Variants in IGDCC4 observed in about 807,000 individuals in gnomAD.
IGDCC4 encodes immunoglobulin superfamily DCC subclass member 4.
A neutral mutation model predicts 116.6 loss-of-function variants in IGDCC4; 72 were observed. The observed-to-expected ratio is 0.62, with a 90% confidence interval of 0.51 to 0.75. IGDCC4 has a LOEUF of 0.75. Ranked by LOEUF, IGDCC4 falls within the 30% of genes least tolerant of loss-of-function variation. The pLI is 0.00. For missense variants in IGDCC4, 1,501 were observed against 1,662.4 expected (o/e 0.90, Z 1.69); for synonymous variants, 709 against 719.9 (o/e 0.98, Z 0.24).
intron 1 of IGDCC4, among the ~76,000 whole-genome samples, chr15:65,420,498 T>C (rs190536708): frequency 6.6e-6 from 1 of 152,254 alleles, no homozygotes; most frequent in Non-Finnish European, 1.5e-5. Context: ...TGATTTTAAA[T>C]CCTGTCAAGG....
Position 65,393,661 on chromosome 15 carries a change from C to G in IGDCC4, c.1715-130G>C. ...GTGGGAGCCTGAGGCGTTCTCAGCA[C>G]TGACCCCTCAGTGCCTGGGCAGATT... On this transcript the variant is annotated intron_variant, in intron 9 of 19. Transcript: ENST00000352385. This position sits in a 1 kb window ranked among gnomAD's most constrained non-coding sequence, Gnocchi z 4.6. 1.1e-6 allele frequency: 1 copy of G among 905,922 alleles called. No individual in the cohort carries two copies. Among genetic ancestry groups the G allele is most frequent in the Non-Finnish European group, 1.6e-6 (1 of 614,706 alleles). 56.1% of individuals were successfully genotyped at this position (905,922 alleles called of 1,614,324 possible).
chr15:65,392,110 C>T (rs1354067089), intron 11 of IGDCC4, 24 bp downstream of exon 11: 5 of 1,455,036 alleles, frequency 3.4e-6, no homozygotes, highest in Non-Finnish European at 3.8e-6. Flanking sequence ...ATCCCTCCCT[C>T]CCCCTCCCCC....
At chr15:65,389,093 T>C in intron 14 of IGDCC4, 115 bp from the exon 15 acceptor site, 2 of 1,080,608 alleles carry the variant, frequency 1.9e-6, no homozygotes, top group Non-Finnish European at 2.6e-6. Flanking sequence ...AGATGAGGTC[T>C]GGTTTCTAGT....
chr15:65,399,324 A>G (rs138004616), intron 5 of IGDCC4, among the ~76,000 whole-genome samples: 1 of 151,810 alleles, frequency 6.6e-6, no homozygotes, highest in Non-Finnish European at 1.5e-5. Context: ...ATACAGGCAT[A>G]GCGGCACATG....
intron 15 of IGDCC4, 41 bp from the exon 16 acceptor site, chr15:65,388,627 G>A (rs1158271375): frequency 3.1e-6 from 5 of 1,612,700 alleles, no homozygotes; most frequent in East Asian, 2.2e-5. Context: ...ATGGTGGATG[G>A]GGTGGGTGGA....
rs1030849234 is a variant in IGDCC4, at chr15:65,393,396, T to C, written c.1850A>G (p.His617Arg). ...AGFGAPSQWM[H>R]HRTPSMHNQS... ...GTTGTGCATACTGGGCGTCCTGTGA[T>C]GCATCCACTGGGAGGGGGCCCCGAA... The change falls in exon 10 of 20, where the codon CAT (histidine) becomes CGT (arginine). Residue 617 changes from histidine (H) to arginine (R), a missense_variant. This residue lies in a region of IGDCC4 where 898 missense variants were observed against 978.9 expected (regional missense o/e 0.92). Transcript: ENST00000352385. This position sits in a 1 kb window ranked among gnomAD's most constrained non-coding sequence, Gnocchi z 4.6. 5.0e-6 allele frequency: 8 copies of C among 1,613,464 alleles called. No homozygotes were observed. The highest frequency in any genetic ancestry group is 6.8e-6 in the Non-Finnish European group (8 of 1,179,682).
Position 65,402,473 on chromosome 15 carries a change from G to A in IGDCC4, c.578C>T (p.Pro193Leu). 1 of 1,567,372 alleles carries A rather than the reference G, an allele frequency of 6.4e-7. No homozygotes were observed. The highest frequency in any genetic ancestry group is 8.7e-7 in the Non-Finnish European group (1 of 1,155,348). The change falls in exon 4 of 20, where the codon CCC becomes CTC. Residue 193 changes from proline (P) to leucine (L), a missense_variant. Coordinates refer to ENST00000352385, the MANE Select transcript of IGDCC4 (RefSeq NM_020962.3). ...LPEEPRLIVL[P>L]NGVLQILDVQ... ...ATCCAGGATCTGAAGGACGCCGTTG[G>A]GAAGCACGATGAGCCTTGGGAAGAG...
chr15:65,419,891 G>A (rs2063174827), intron 1 of IGDCC4, among the ~76,000 whole-genome samples: 1 of 152,194 alleles, frequency 6.6e-6, no homozygotes, highest in African/African-American at 2.4e-5. Context: ...GGCAGGCACA[G>A]GCATTATCCT....
rs371761810 is a variant in IGDCC4, at chr15:65,417,253, T to TC, written c.70+5539dup. Among the ~76,000 whole-genome samples, 105 of 151,694 alleles carry TC rather than the reference T, an allele frequency of 6.9e-4. 2 individuals carry two copies. The highest frequency in any genetic ancestry group is 2.4e-3 in the African/African-American group (100 of 41,326). Reference sequence around the variant, plus strand: ...CCTCCCTTACCACATGCTGAGCCCCTCCCCCCAACAGCTGGAAGGAGAGTT... The same window carrying TC: ...CCTCCCTTACCACATGCTGAGCCCCTCCCCCCCAACAGCTGGAAGGAGAGTT... On this transcript the variant is annotated intron_variant, in intron 1 of 19. Coordinates refer to ENST00000352385, the MANE Select transcript of IGDCC4 (RefSeq NM_020962.3).
intron 4 of IGDCC4, among the ~76,000 whole-genome samples, chr15:65,402,007 G>C (rs1426082980): frequency 6.6e-6 from 1 of 152,124 alleles, no homozygotes; most frequent in East Asian, 1.9e-4. Flanking sequence ...GAGAGAAAGG[G>C]GCAGGGAGCA....
chr15:65,422,673 G>T (rs769540709), intron 1 of IGDCC4, 120 bp downstream of exon 1: 2 of 778,804 alleles, frequency 2.6e-6, no homozygotes, highest in South Asian at 3.1e-5. Context: ...ACCTGGACGC[G>T]CAGCCCCCGC....
In IGDCC4 at chr15:65,383,261, A is replaced by C. The variant is rs1162364904; in HGVS notation, c.*748T>G. On this transcript the variant is annotated 3_prime_UTR_variant, in exon 20 of 20. Coordinates refer to ENST00000352385, the MANE Select transcript of IGDCC4 (RefSeq NM_020962.3). ...TGTGAGAGATAGCAGAGGAAGGAAA[A>C]CAGGAGAGAGGAAAGGAAAGAGTAT... is the stretch of plus-strand genomic sequence containing the variant. 1 of 153,336 alleles carries C rather than the reference A, an allele frequency of 6.5e-6. No individual in the cohort carries two copies. Among genetic ancestry groups the C allele is most frequent in the Non-Finnish European group, 1.5e-5 (1 of 68,492 alleles). 9.5% of individuals were successfully genotyped at this position (153,336 alleles called of 1,614,324 possible).
intron 5 of IGDCC4, among the ~76,000 whole-genome samples, chr15:65,399,804 A>G (rs2062967460): frequency 6.6e-6 from 1 of 152,268 alleles, no homozygotes; most frequent in Admixed American, 6.5e-5. Context: ...AGTATGAGAT[A>G]TAAACTTATA....
chr15:65,394,288 C>A (rs1490783822), intron 9 of IGDCC4, 123 bp downstream of exon 9: 4 of 1,483,570 alleles, frequency 2.7e-6, no homozygotes, highest in African/African-American at 2.8e-5. Context: ...TTCACCCTTC[C>A]CCAACCCCTA....
Position 65,383,495 on chromosome 15 carries a change from G to A in IGDCC4, c.*514C>T, listed in dbSNP as rs891641740. 6.5e-6 allele frequency: 1 copy of A among 152,732 alleles called. No homozygotes were observed. The highest frequency in any genetic ancestry group is 1.5e-5 in the Non-Finnish European group (1 of 68,430). 9.5% of individuals were successfully genotyped at this position (152,732 alleles called of 1,614,324 possible). ...TATTTGGGCAATAAGGAGCTGGGAG[G>A]TGATGCAGCTGAAATGCCAGGCATT... is the stretch of plus-strand genomic sequence containing the variant. On this transcript the variant is annotated 3_prime_UTR_variant, in exon 20 of 20. Transcript: ENST00000352385.
chr15:65,393,630 G>A lies in IGDCC4; in HGVS notation c.1715-99C>T, dbSNP rs11638647. ...TTCCGCCTCACATCCCGGTTCCTCC[G>A]TGCCCGTGGGAGCCTGAGGCGTTCT... is the stretch of plus-strand genomic sequence containing the variant. On this transcript the variant is annotated intron_variant, in intron 9 of 19. Transcript: ENST00000352385. This position sits in a 1 kb window ranked among gnomAD's most constrained non-coding sequence, Gnocchi z 4.6. 249,400 of 1,284,672 alleles carry A rather than the reference G, an allele frequency of 0.19. 26,562 individuals carry two copies. The highest frequency in any genetic ancestry group is 0.43 in the East Asian group (17,588 of 41,332). The allele number at this position is 1,284,672 out of a possible 1,614,324, so 79.6% of individuals were successfully genotyped here. A position where few individuals can be genotyped will look rare whatever the true frequency, so the allele number is the denominator to read the frequency against.
Position 65,392,196 on chromosome 15 carries a change from G to C in IGDCC4, c.2060C>G (p.Ala687Gly), listed in dbSNP as rs1279166421. 1.1e-5 allele frequency: 17 copies of C among 1,613,678 alleles called. No homozygotes were observed. The highest frequency in any genetic ancestry group is 1.4e-5 in the Non-Finnish European group (16 of 1,179,898). The change falls in exon 11 of 20, where the codon GCT (alanine) becomes GGT (glycine). Residue 687 changes from alanine to glycine, a missense_variant. Ala to Gly is a moderately conservative substitution (Grantham distance 60, BLOSUM62 0). Around this residue, in one of 3 missense-constraint regions of IGDCC4, gnomAD observed 898 missense variants for 978.9 expected, o/e 0.92. Transcript: ENST00000352385. ...GAGCCGGACAGGCCCCACATCCCAA[G>C]CCTGGTCTCCACGGCCCCCTGGCAG... ...DRLPGGRGDQ[A>G]WDVGPVRLKK...
intron 3 of IGDCC4, among the ~76,000 whole-genome samples, chr15:65,403,443 A>T (rs543927479): frequency 2.0e-5 from 3 of 151,984 alleles, no homozygotes; most frequent in Non-Finnish European, 4.4e-5. Context: ...TACAGTTGGA[A>T]TTTTATTTAC....
intron 18 of IGDCC4, 79 bp from the exon 19 acceptor site, chr15:65,385,194 G>T: frequency 7.0e-7 from 1 of 1,432,848 alleles, no homozygotes; most frequent in Non-Finnish European, 9.3e-7. Flanking sequence ...GAGGGAATTG[G>T]GATGGGCCGC....
Sources: allele counts gnomAD v4.1 joint callset (sites outside exome capture counted in the v4.1 genomes callset), GRCh38; gene constraint gnomAD v4.1.1; regional missense constraint gnomAD v4.1.1; non-coding constraint Gnocchi (gnomAD v3.1); transcripts MANE v1.5; gene names NCBI Gene and HGNC (gene_info 2026-07-23, HGNC 2026-07-21).